HLA-DMB: variants seen among roughly 807,000 people sequenced by gnomAD.
The protein encoded by HLA-DMB is major histocompatibility complex, class II, DM beta.
A neutral mutation model predicts 29.3 loss-of-function variants in HLA-DMB; 18 were observed. That is an observed-to-expected ratio of 0.62 (90% CI 0.43 to 0.91). The LOEUF is 0.91. Among genes scored for constraint, HLA-DMB ranks in the 40% least tolerant of loss-of-function variants. The probability of loss-of-function intolerance (pLI) is 0.00; values close to 1 mark genes in which losing one functional copy is unlikely to be tolerated. For missense variants in HLA-DMB, 258 were observed against 320.9 expected (o/e 0.80, Z 1.50); for synonymous variants, 143 against 128.7 (o/e 1.11, Z -0.75).
chr6:32,937,157 C>G lies in HLA-DMB; in HGVS notation c.622+15G>C. On this transcript the variant is annotated intron_variant, in intron 3 of 5. Transcript: ENST00000418107. This position sits in a 1 kb window ranked among gnomAD's most constrained non-coding sequence, Gnocchi z 4.1. Reference sequence around the variant, plus strand: ...CTGCTTTGACCCTAATTCCATCCATCTGCCATACACTTACTCCAGTCCCGA... The same window carrying G: ...CTGCTTTGACCCTAATTCCATCCATGTGCCATACACTTACTCCAGTCCCGA... 1 of 1,551,260 alleles carries G rather than the reference C, an allele frequency of 6.4e-7. No individual in the cohort carries two copies. The highest frequency in any genetic ancestry group is 1.2e-5 in the South Asian group (1 of 81,684).
At chr6:32,935,408 T>G in intron 4 of HLA-DMB, 31 bp from the exon 5 acceptor site, 1 of 1,583,716 alleles carries the variant, frequency 6.3e-7, no homozygotes, top group Non-Finnish European at 8.7e-7. Flanking sequence ...ATTATACCAG[T>G]CTTTGTGGAT....
At chr6:32,935,191 C>G (rs940735721) in intron 5 of HLA-DMB, 151 bp downstream of exon 5, 2 of 827,984 alleles carry the variant, frequency 2.4e-6, no homozygotes, top group African/African-American at 3.4e-5. Context: ...GCTCTTAATC[C>G]TAGCAATGGC....
chr6:32,935,914 G>T, intron 3 of HLA-DMB: 1 of 498,066 alleles, frequency 2.0e-6, no homozygotes, highest in Non-Finnish European at 3.6e-6. Flanking sequence ...ATACAGTGGG[G>T]CCTCTCAAGG....
chr6:32,934,922 G>A lies in HLA-DMB; in HGVS notation c.*49C>T. ...GTTGGAGAGGCATGGTAGCATCATT[G>A]AGTTTGAATCTCCTTCTCACTTGGA... On this transcript the variant is annotated 3_prime_UTR_variant, in exon 6 of 6. Transcript: ENST00000418107. 1 of 1,568,416 alleles carries A rather than the reference G, an allele frequency of 6.4e-7. No individual in the cohort carries two copies. Among genetic ancestry groups the A allele is most frequent in the Non-Finnish European group, 8.8e-7 (1 of 1,139,470 alleles).
At position 32,940,744 on chromosome 6, in the gene HLA-DMB, T is replaced by G. The variant is rs2127472414; in HGVS notation, c.55+9A>C. The stretch of plus-strand genomic sequence containing the variant: ...GGGAAGGGAGAGTCCCCAGAAGAAG[T>G]GTCCTTACCTGCTCCTGTGCAGCCC... On this transcript the variant is annotated intron_variant, in intron 1 of 5. Transcript: ENST00000418107. 2 of 1,602,122 alleles carry G rather than the reference T, an allele frequency of 1.2e-6. No homozygotes were observed. Among genetic ancestry groups the G allele is most frequent in the Non-Finnish European group, 1.7e-6 (2 of 1,174,542 alleles).
rs753394072 is a variant in HLA-DMB at position 32,935,636 on chromosome 6, G to T, written c.639C>A (p.Pro213=). ...ILRDWTPGLS[P]MQTLKVSVSA... is the part of the protein sequence containing the mutation. ...ACACAGAAACCTTCAGGGTCTGCAT[G>T]GGGGACAGCCCAGGTGCTGCAAAAA... The change falls in exon 4 of 6, where the codon CCC becomes CCA. Residue 213 remains proline, a synonymous_variant. Coordinates refer to ENST00000418107, the MANE Select transcript of HLA-DMB (RefSeq NM_002118.5). 6.2e-7 allele frequency: 1 copy of T among 1,612,306 alleles called. No homozygotes were observed. The highest frequency in any genetic ancestry group is 8.5e-7 in the Non-Finnish European group (1 of 1,179,572).
At chr6:32,935,736 G>A (rs1357147115) in intron 3 of HLA-DMB, 84 bp from the exon 4 acceptor site, 2 of 892,280 alleles carry the variant, frequency 2.2e-6, no homozygotes, top group African/African-American at 1.7e-5. Context: ...CCTCTCAGTG[G>A]GTTAAAAGGT....
At chr6:32,940,489 A>C (rs55707492) in intron 1 of HLA-DMB, among the ~76,000 whole-genome samples, 3,368 of 152,352 alleles carry the variant, frequency 0.022, 54 homozygotes, top group South Asian at 0.038. Context: ...CACTTGCTGC[A>C]TGCAAGGCAC....
intron 2 of HLA-DMB, 49 bp downstream of exon 2, chr6:32,938,635 C>T: frequency 7.0e-7 from 1 of 1,435,858 alleles, no homozygotes; most frequent in Non-Finnish European, 9.2e-7. Context: ...CCTGGCCTGC[C>T]CTCCTAACTG....
intron 3 of HLA-DMB, 77 bp from the exon 4 acceptor site, chr6:32,935,729 C>T: frequency 1.0e-6 from 1 of 996,714 alleles, no homozygotes; most frequent in Non-Finnish European, 1.6e-6. Context: ...GCAGCCACCT[C>T]TCAGTGGGTT....
At chr6:32,939,775 A>G (rs1776240091) in intron 1 of HLA-DMB, among the ~76,000 whole-genome samples, 1 of 152,198 alleles carries the variant, frequency 6.6e-6, no homozygotes, top group African/African-American at 2.4e-5. Flanking sequence ...ATCTACAATA[A>G]TAAGTAAACT....
In HLA-DMB at chr6:32,934,955, T is replaced by A. The variant is rs1326667042; in HGVS notation, c.*16A>T. 2.5e-6 allele frequency: 4 copies of A among 1,612,244 alleles called. No individual in the cohort carries two copies. The South Asian group carries it at 4.4e-5, about 18-fold the overall frequency. On this transcript the variant is annotated 3_prime_UTR_variant, in exon 6 of 6. Transcript: ENST00000418107. ...ATCTCCTTCTCACTTGGAGTGGAAG[T>A]TGTAGGATTCTGCCTCTAGGAAATG... is the stretch of plus-strand genomic sequence containing the variant.
rs778814079 is a variant in HLA-DMB, at chr6:32,938,769, G to A, written c.252C>T (p.Asp84=). The stretch of plus-strand genomic sequence containing the variant: ...CATTGCGCAAGCGCTGCATCAGGGT[G>A]TCTTTTTGGTTGAGGTGCTGTGAGA... ...NVLSQHLNQK[D]TLMQRLRNGL... is the part of the protein sequence containing the mutation. The change falls in exon 2 of 6, where the codon GAC becomes GAT. Residue 84 remains aspartate, a synonymous_variant. Transcript: ENST00000418107. 1.2e-6 allele frequency: 2 copies of A among 1,607,272 alleles called. No homozygotes were observed. Among genetic ancestry groups the A allele is most frequent in the Admixed American group, 3.4e-5 (2 of 59,310 alleles).
chr6:32,935,593 G>A lies in HLA-DMB; in HGVS notation c.682C>T (p.Leu228=). ...KVSVSAVTLG[L]GLIIFSLGVI... Reference sequence around the variant, plus strand: ...CCAAGAGAGAAGATGATGAGGCCCAGGCCCAGAGTCACTGCAGACACAGAA... The same window carrying A: ...CCAAGAGAGAAGATGATGAGGCCCAAGCCCAGAGTCACTGCAGACACAGAA... Residue 228 remains leucine (L), a synonymous_variant, in exon 4 of 6, where the codon CTG becomes TTG. Transcript: ENST00000418107. 2 of 1,613,028 alleles carry A rather than the reference G, an allele frequency of 1.2e-6. No homozygotes were observed. Among genetic ancestry groups the A allele is most frequent in the Non-Finnish European group, 1.7e-6 (2 of 1,180,012 alleles).
In HLA-DMB at chr6:32,937,200, C is replaced by T. The variant is rs1776056565; in HGVS notation, c.594G>A (p.Gly198=). Residue 198 remains glycine, a synonymous_variant, in exon 3 of 6, where the codon GGG becomes GGA. Transcript: ENST00000418107. The surrounding 1 kb of genome is among the most constrained non-coding windows in gnomAD (Gnocchi z 4.1). ...DTYTCVVEHT[G]APEPILRDWT... Reference sequence around the variant, plus strand: ...AGTCCCGAAGGATGGGCTCAGGAGCCCCAGTGTGCTCTACCACACAGGTGT... The same window carrying T: ...AGTCCCGAAGGATGGGCTCAGGAGCTCCAGTGTGCTCTACCACACAGGTGT... 3.1e-6 allele frequency: 5 copies of T among 1,603,732 alleles called. No homozygotes were observed. The highest frequency in any genetic ancestry group is 4.3e-6 in the Non-Finnish European group (5 of 1,172,614).
Position 32,935,385 on chromosome 6 carries a change from A to G in HLA-DMB, c.740-8T>C. ...CAGGAAGAGGAGTGTAACCTAAGAGAGGAAGATACTTGATTATACCAGTCT... is the reference window on the plus strand; with the variant it reads ...CAGGAAGAGGAGTGTAACCTAAGAGGGGAAGATACTTGATTATACCAGTCT... On this transcript the variant is annotated splice_polypyrimidine_tract_variant and splice_region_variant and intron_variant, in intron 4 of 5. Coordinates refer to ENST00000418107, the MANE Select transcript of HLA-DMB (RefSeq NM_002118.5). 1 of 1,605,958 alleles carries G rather than the reference A, an allele frequency of 6.2e-7. No homozygotes were observed.
intron 5 of HLA-DMB, 111 bp downstream of exon 5, chr6:32,935,231 C>T: frequency 2.1e-6 from 2 of 957,810 alleles, no homozygotes; most frequent in South Asian, 2.7e-5. Context: ...CCTAGATCCT[C>T]ATGGAAGCTC....
chr6:32,940,914 A>T lies in HLA-DMB; in HGVS notation c.-107T>A. The T allele has an allele frequency of 2.5e-6, 2 of 811,064 alleles. No homozygotes were observed. The highest frequency in any genetic ancestry group is 4.1e-6 in the Non-Finnish European group (2 of 490,842). The allele number at this position is 811,064 out of a possible 1,614,324, so 50.2% of individuals were successfully genotyped here. A position where few individuals can be genotyped will look rare whatever the true frequency, so the allele number is the denominator to read the frequency against. On this transcript the variant is annotated 5_prime_UTR_variant, in exon 1 of 6. Coordinates refer to ENST00000418107, the MANE Select transcript of HLA-DMB (RefSeq NM_002118.5). ...GCCCCAGCCTGGGTAGATGATCTCC[A>T]GACACTGAGCAGAATACTATATTGC...
At position 32,937,197 on chromosome 6, in the gene HLA-DMB, A is replaced by T; in HGVS notation, c.597T>A (p.Ala199=). 3 of 1,601,828 alleles carry T rather than the reference A, an allele frequency of 1.9e-6. No homozygotes were observed. The highest frequency in any genetic ancestry group is 2.6e-6 in the Non-Finnish European group (3 of 1,171,298). ...TCCAGTCCCGAAGGATGGGCTCAGG[A>T]GCCCCAGTGTGCTCTACCACACAGG... ...TYTCVVEHTG[A]PEPILRDWTP... is the part of the protein sequence containing the mutation. Residue 199 remains alanine (A), a synonymous_variant, in exon 3 of 6, where the codon GCT becomes GCA. Transcript: ENST00000418107. This position sits in a 1 kb window ranked among gnomAD's most constrained non-coding sequence, Gnocchi z 4.1.
Sources: gnomAD v4.1 joint callset for allele counts (sites outside exome capture counted in the v4.1 genomes callset) on GRCh38, gnomAD v4.1.1 for gene constraint, Gnocchi (gnomAD v3.1) non-coding constraint, MANE v1.5 for transcripts, NCBI Gene and HGNC (gene_info 2026-07-23, HGNC 2026-07-21) for gene names.